Variants in FAM107A observed in about 807,000 individuals in gnomAD.
FAM107A encodes the protein actin-associated protein FAM107A.
A neutral mutation model predicts 13.7 loss-of-function variants in FAM107A; 19 were observed. The ratio of observed to expected loss-of-function variants is 1.38; its 90% CI spans 0.97 to 2.03. The LOEUF is 2.03. Among genes scored for constraint, FAM107A ranks in the 30% most tolerant of loss-of-function variants. The probability of loss-of-function intolerance (pLI) is 0.00; values close to 1 mark genes in which losing one functional copy is unlikely to be tolerated. For synonymous variants in FAM107A, 82 were observed against 74.5 expected, an observed-to-expected ratio of 1.10 and a Z score of -0.52; for missense variants, 203 against 184.4, an observed-to-expected ratio of 1.10 and a Z score of -0.58.
chr3:58,571,408 C>T (rs2063681988), intron 1 of FAM107A, among the ~76,000 whole-genome samples: 1 of 152,114 alleles, frequency 6.6e-6, no homozygotes, highest in Admixed American at 6.6e-5. Context: ...AATTCATATT[C>T]TCAGAACCAT....
intron 1 of FAM107A, among the ~76,000 whole-genome samples, chr3:58,622,452 C>T (rs1409468996): frequency 1.3e-5 from 2 of 152,088 alleles, no homozygotes; most frequent in Non-Finnish European, 2.9e-5. Context: ...CCCCTATGCC[C>T]CCCCCAAAAG....
At chr3:58,619,062 G>A (rs1345940913) in intron 1 of FAM107A, among the ~76,000 whole-genome samples, 1 of 152,154 alleles carries the variant, frequency 6.6e-6, no homozygotes, top group Admixed American at 6.5e-5. Context: ...GTGCAGTGGT[G>A]CTACCATGGC....
At position 58,595,969 on chromosome 3, in the gene FAM107A, G is replaced by T. The variant is rs1184543936; in HGVS notation, c.-69-6700C>A. 2.0e-5 allele frequency among the ~76,000 whole-genome samples: 3 copies of T among 152,306 alleles called. No homozygotes were observed. The East Asian group carries it at 5.8e-4, about 29-fold the overall frequency. On this transcript the variant is annotated intron_variant, in intron 1 of 3. Coordinates refer to the FAM107A transcript ENST00000465970. ...ATTTGTTCTCACCGTTTCCAAATCGGGAGATGCTGGCTTAATTATAATTTT... is the reference window on the plus strand; with the variant it reads ...ATTTGTTCTCACCGTTTCCAAATCGTGAGATGCTGGCTTAATTATAATTTT...
chr3:58,619,935 G>C (rs1404233148), intron 1 of FAM107A, among the ~76,000 whole-genome samples: 1 of 152,118 alleles, frequency 6.6e-6, no homozygotes, highest in Non-Finnish European at 1.5e-5. Context: ...AGACATTGGA[G>C]GGGAAGGAGG....
intron 1 of FAM107A, among the ~76,000 whole-genome samples, chr3:58,619,217 T>C (rs1043215439): frequency 6.6e-6 from 1 of 152,112 alleles, no homozygotes. Context: ...CCCAGGCTGG[T>C]CCTGAATTCC....
In FAM107A at chr3:58,611,753, G is replaced by A. The variant is rs1025766497; in HGVS notation, c.-70+15663C>T. Among the ~76,000 whole-genome samples, 7 of 152,216 alleles carry A rather than the reference G, an allele frequency of 4.6e-5. No homozygotes were observed. In the East Asian group the frequency reaches 5.8e-4, roughly 13 times the overall value. The stretch of plus-strand genomic sequence containing the variant: ...ACAAGGCACCTGACTTCTCTGAGCT[G>A]TTTCTCTTCCGTAAAATGGGGATAA... On this transcript the variant is annotated intron_variant, in intron 1 of 3. Transcript: ENST00000465970.
intron 1 of FAM107A, among the ~76,000 whole-genome samples, chr3:58,602,628 G>A (rs2065762380): frequency 6.6e-6 from 1 of 152,176 alleles, no homozygotes; most frequent in Non-Finnish European, 1.5e-5. Context: ...TAAGAAGGAT[G>A]TTGTAGACCT....
At chr3:58,573,909 T>C (rs1013042338) in intron 1 of FAM107A, among the ~76,000 whole-genome samples, 1 of 152,196 alleles carries the variant, frequency 6.6e-6, no homozygotes, top group African/African-American at 2.4e-5. Flanking sequence ...TTTGATCTGG[T>C]GTTTCCTCCT....
intron 1 of FAM107A, among the ~76,000 whole-genome samples, chr3:58,625,956 G>A (rs562723506): frequency 6.8e-4 from 104 of 152,296 alleles, no homozygotes; most frequent in African/African-American, 2.5e-3. Context: ...CTCTGGGCTT[G>A]GGGTAGCACA....
chr3:58,575,841 C>T (rs2063726244), intron 1 of FAM107A, among the ~76,000 whole-genome samples: 1 of 152,244 alleles, frequency 6.6e-6, no homozygotes, highest in Non-Finnish European at 1.5e-5. Context: ...TGGCCTCAGG[C>T]TGGTCTCTGT....
intron 1 of FAM107A, among the ~76,000 whole-genome samples, chr3:58,621,687 C>T (rs917625174): frequency 2.0e-5 from 3 of 152,230 alleles, no homozygotes; most frequent in African/African-American, 7.2e-5. Context: ...AAAGCTTAAA[C>T]ATCACCCAGA....
intron 1 of FAM107A, among the ~76,000 whole-genome samples, chr3:58,585,100 C>G (rs1351304012): frequency 6.6e-6 from 1 of 152,194 alleles, no homozygotes; most frequent in Non-Finnish European, 1.5e-5. Flanking sequence ...TTCCGAGGCC[C>G]CGCTCCCTTC....
At chr3:58,605,763 G>A (rs1264855665) in intron 1 of FAM107A, among the ~76,000 whole-genome samples, 1 of 152,158 alleles carries the variant, frequency 6.6e-6, no homozygotes, top group Non-Finnish European at 1.5e-5. Context: ...ATGCTCACCA[G>A]GACCCTGAGA....
At chr3:58,582,631 C>T (rs1281531462), upstream of FAM107A, among the ~76,000 whole-genome samples, 1 of 152,212 alleles carries the variant, frequency 6.6e-6, no homozygotes, top group Non-Finnish European at 1.5e-5. Context: ...TGCTGGACAA[C>T]TGGGTGACCT....
At chr3:58,598,307 A>G (rs2065724084) in intron 1 of FAM107A, among the ~76,000 whole-genome samples, 1 of 152,180 alleles carries the variant, frequency 6.6e-6, no homozygotes, top group South Asian at 2.1e-4. Flanking sequence ...GCAGGGGTCC[A>G]CTTACATCAC....
At chr3:58,577,816 T>TA, upstream of FAM107A, 1 of 644,610 alleles carries the variant, frequency 1.6e-6, no homozygotes, top group Non-Finnish European at 1.9e-6. The surrounding 1 kb of genome is among the most constrained non-coding windows in gnomAD (Gnocchi z 4.9). Context: ...GGGTGGGGTG[T>TA]AAAGGGAGGG....
At chr3:58,616,865 C>G (rs966769751) in intron 1 of FAM107A, among the ~76,000 whole-genome samples, 40 of 152,294 alleles carry the variant, frequency 2.6e-4, no homozygotes, top group Admixed American at 1.3e-3. Flanking sequence ...GCTCCGCCTC[C>G]CGGGTTCAAG....
In FAM107A at chr3:58,617,509, C is replaced by T. The variant is rs544107038; in HGVS notation, c.-70+9907G>A. ...TTAGATGAAAAAGAAAGTTCCAGCT[C>T]CTCGCCTTTCTCTCCGCCCCAGGCC... On this transcript the variant is annotated intron_variant, in intron 1 of 3. Transcript: ENST00000465970. This position sits in a 1 kb window ranked among gnomAD's most constrained non-coding sequence, Gnocchi z 4.5. Among the ~76,000 whole-genome samples, 1 of 152,202 alleles carries T rather than the reference C, an allele frequency of 6.6e-6. No homozygotes were observed. The highest frequency in any genetic ancestry group is 2.1e-4 in the South Asian group (1 of 4,816).
At chr3:58,595,370 A>G (rs1364113992) in intron 1 of FAM107A, among the ~76,000 whole-genome samples, 14 of 152,190 alleles carry the variant, frequency 9.2e-5, no homozygotes. Context: ...AAGAAGTGAA[A>G]TTAGCCAGGT....
Sources: allele counts gnomAD v4.1 joint callset (sites outside exome capture counted in the v4.1 genomes callset), GRCh38; gene constraint gnomAD v4.1.1; non-coding constraint Gnocchi (gnomAD v3.1); transcripts MANE v1.5; gene names NCBI Gene and HGNC (gene_info 2026-07-23, HGNC 2026-07-21).